Variants in DNAH11 observed in about 807,000 individuals in gnomAD.
DNAH11 encodes the protein axonemal beta dynein heavy chain 11.
In DNAH11, 442 loss-of-function variants were observed where a neutral mutation model predicts 526.0. The observed-to-expected ratio is 0.84, with a 90% CI of 0.78 to 0.91. DNAH11 has a LOEUF of 0.91. DNAH11 is among the 40% of genes least tolerant of loss of function. The pLI is 0.00. For synonymous variants in DNAH11, 2,461 were observed against 1,935.9 expected, an observed-to-expected ratio of 1.27 and a Z score of -7.12; for missense variants, 6,989 against 5,448.7, an observed-to-expected ratio of 1.28 and a Z score of -8.90.
intron 74 of DNAH11, among the ~76,000 whole-genome samples, chr7:21,879,389 G>A (rs969100420): frequency 2.0e-5 from 3 of 151,874 alleles, no homozygotes; most frequent in African/African-American, 4.8e-5. Context: ...CCCTGGAGGC[G>A]GAGGTTGCAG....
intron 14 of DNAH11, among the ~76,000 whole-genome samples, chr7:21,599,093 G>A (rs1784973388): frequency 6.6e-6 from 1 of 152,138 alleles, no homozygotes; most frequent in Admixed American, 6.5e-5. Flanking sequence ...CCCTTTTGGT[G>A]TATATCCAGT....
intron 48 of DNAH11, 73 bp downstream of exon 48, chr7:21,739,746 C>A: frequency 8.7e-7 from 1 of 1,150,848 alleles, no homozygotes; most frequent in Admixed American, 2.3e-5. Context: ...CTTAGGATTC[C>A]TATGGGACAT....
chr7:21,632,209 C>T (rs900077122), intron 25 of DNAH11, among the ~76,000 whole-genome samples: 1 of 152,192 alleles, frequency 6.6e-6, no homozygotes, highest in African/African-American at 2.4e-5. Flanking sequence ...GCACAGGAAC[C>T]CTGGGCCTGG....
intron 47 of DNAH11, among the ~76,000 whole-genome samples, chr7:21,739,103 A>G (rs1158579854): frequency 6.6e-6 from 1 of 152,164 alleles, no homozygotes; most frequent in African/African-American, 2.4e-5. Context: ...TGGATTGAAA[A>G]GTGTCTCAGA....
chr7:21,597,654 G>A (rs372890605), intron 14 of DNAH11, among the ~76,000 whole-genome samples: 3 of 152,110 alleles, frequency 2.0e-5, no homozygotes, highest in Non-Finnish European at 2.9e-5. Flanking sequence ...AACAGCAAGC[G>A]GGGGGTTGGG....
intron 63 of DNAH11, 30 bp from the exon 64 acceptor site, chr7:21,816,437 A>G: frequency 6.5e-7 from 1 of 1,539,546 alleles, no homozygotes; most frequent in Middle Eastern, 1.7e-4. Flanking sequence ...CCACATGACC[A>G]ATTTGTTGCA....
chr7:21,581,588 G>T (rs1450787530), intron 8 of DNAH11, among the ~76,000 whole-genome samples: 3 of 152,152 alleles, frequency 2.0e-5, no homozygotes, highest in African/African-American at 7.2e-5. Context: ...AATGAATTGG[G>T]AGTAGGAGGA....
intron 69 of DNAH11, among the ~76,000 whole-genome samples, chr7:21,862,435 G>A (rs1180249081): frequency 6.6e-6 from 1 of 152,090 alleles, no homozygotes; most frequent in Non-Finnish European, 1.5e-5. Flanking sequence ...GTTCGTCCAT[G>A]TTGTCAAAAA....
intron 28 of DNAH11, among the ~76,000 whole-genome samples, chr7:21,644,891 A>G (rs1452006351): frequency 6.6e-6 from 1 of 152,266 alleles, no homozygotes; most frequent in Non-Finnish European, 1.5e-5. Context: ...AATGCCATAA[A>G]TTATATATCC....
chr7:21,719,919 C>T (rs1298960352), intron 43 of DNAH11, among the ~76,000 whole-genome samples: 1 of 152,176 alleles, frequency 6.6e-6, no homozygotes, highest in Non-Finnish European at 1.5e-5. Context: ...CTTTAGAGAG[C>T]TAGCCCCAGA....
intron 28 of DNAH11, among the ~76,000 whole-genome samples, chr7:21,642,310 G>T (rs150048736): frequency 3.7e-4 from 56 of 152,264 alleles, no homozygotes; most frequent in African/African-American, 1.2e-3. Context: ...AGAGTGACTT[G>T]TTGAGAAGGA....
At chr7:21,871,661 C>T (rs372924810) in intron 73 of DNAH11, among the ~76,000 whole-genome samples, 1 of 152,168 alleles carries the variant, frequency 6.6e-6, no homozygotes, top group South Asian at 2.1e-4. Flanking sequence ...AATACGCTTT[C>T]CTTATAACCT....
chr7:21,613,324 A>G (rs1785614848), intron 20 of DNAH11, among the ~76,000 whole-genome samples: 1 of 151,376 alleles, frequency 6.6e-6, no homozygotes, highest in Non-Finnish European at 1.5e-5. Flanking sequence ...ATAAAAAGGT[A>G]GGTTTTGTGG....
At chr7:21,652,436 TTAAGTAG>T (rs1457406827) in intron 28 of DNAH11, among the ~76,000 whole-genome samples, 3 of 152,224 alleles carry the variant, frequency 2.0e-5, no homozygotes, top group Non-Finnish European at 4.4e-5. Flanking sequence ...GTTCTGTACC[TTAAGTAG>T]TAAGATGAGA....
At chr7:21,882,405 A>G (rs1783955932) in intron 75 of DNAH11, among the ~76,000 whole-genome samples, 1 of 152,220 alleles carries the variant, frequency 6.6e-6, no homozygotes, top group Non-Finnish European at 1.5e-5. Flanking sequence ...TTAAATTCCT[A>G]TGAGCACATG....
At chr7:21,625,153 C>T (rs989131125) in intron 25 of DNAH11, among the ~76,000 whole-genome samples, 1 of 151,968 alleles carries the variant, frequency 6.6e-6, no homozygotes, top group Non-Finnish European at 1.5e-5. Context: ...CACCGTGAAG[C>T]CCTCCTGTCC....
Position 21,877,761 on chromosome 7 carries a change from G to C in DNAH11, c.12196-2941G>C, listed in dbSNP as rs531159437. Among the ~76,000 whole-genome samples the C allele has an allele frequency of 2.0e-5, 3 of 150,904 alleles. No homozygotes were observed. In the South Asian group the frequency reaches 6.3e-4, roughly 32 times the overall value. ...GTGGTGGTGGGCGCCTGTAGTCCCA[G>C]CTACTCGGGAGGCTGAGGCAGGAGA... On this transcript the variant is annotated intron_variant, in intron 74 of 81. Coordinates refer to ENST00000409508, the MANE Select transcript of DNAH11 (RefSeq NM_001277115.2).
chr7:21,883,450 G>A (rs1297527806), intron 75 of DNAH11, among the ~76,000 whole-genome samples: 2 of 152,180 alleles, frequency 1.3e-5, no homozygotes, highest in Admixed American at 6.5e-5. Context: ...CCTTAGAACA[G>A]TCATTAGGCC....
chr7:21,692,912 A>G (rs563943900), intron 35 of DNAH11, among the ~76,000 whole-genome samples: 1 of 152,188 alleles, frequency 6.6e-6, no homozygotes, highest in Non-Finnish European at 1.5e-5. Context: ...TTGCATCTCC[A>G]TGATGGCTAA....
Sources: allele counts gnomAD v4.1 joint callset (sites outside exome capture counted in the v4.1 genomes callset), GRCh38; gene constraint gnomAD v4.1.1; transcripts MANE v1.5; gene names NCBI Gene and HGNC (gene_info 2026-07-23, HGNC 2026-07-21).